The following TRAPPC9 variants were observed in gnomAD, a reference collection of about 807,000 sequenced individuals.
TRAPPC9 encodes the protein trafficking protein particle complex subunit 9, also known as IKK2 binding protein.
TRAPPC9 carries 83 observed loss-of-function variants against 124.0 expected under a neutral mutation model. The observed-to-expected ratio is 0.67, with a 90% CI of 0.56 to 0.80. TRAPPC9 has a LOEUF of 0.80. TRAPPC9 is among the 30% of genes least tolerant of loss of function. The pLI, the probability that TRAPPC9 is intolerant of heterozygous loss-of-function variation, is 0.00. For synonymous variants in TRAPPC9, 638 were observed against 617.5 expected, an observed-to-expected ratio of 1.03 and a Z score of -0.49; for missense variants, 1,302 against 1,508.3, an observed-to-expected ratio of 0.86 and a Z score of 2.27.
At chr8:140,032,972 A>C (rs1188855912) in intron 17 of TRAPPC9, among the ~76,000 whole-genome samples, 4 of 152,194 alleles carry the variant, frequency 2.6e-5, no homozygotes, top group African/African-American at 7.2e-5. Flanking sequence ...CATTTCTCTC[A>C]TTATTAAAAA....
rs140352749 is a variant in TRAPPC9, at chr8:140,176,645, T to C, written c.2556+44814A>G. ...GGCATCGGTCATGTCTTTGAGTGAA[T>C]CCGTGTTTTCATTTTCCTAAGGTAC... On this transcript the variant is annotated intron_variant, in intron 17 of 22. Transcript: ENST00000438773. Among the ~76,000 whole-genome samples, 35 of 152,330 alleles carry C rather than the reference T, an allele frequency of 2.3e-4. No individual in the cohort carries two copies. The East Asian group carries it at 4.4e-3, about 19-fold the overall frequency.
intron 4 of TRAPPC9, among the ~76,000 whole-genome samples, chr8:140,429,874 T>C (rs2070571451): frequency 6.6e-6 from 1 of 151,272 alleles, no homozygotes; most frequent in African/African-American, 2.4e-5. Flanking sequence ...CAGCCAGGTG[T>C]GGTGGCTCAC....
chr8:139,852,413 C>A lies in TRAPPC9; in HGVS notation c.3055+33466G>T, dbSNP rs139288845. 3.3e-5 allele frequency among the ~76,000 whole-genome samples: 5 copies of A among 152,296 alleles called. No homozygotes were observed. The East Asian group carries it at 9.6e-4, about 29-fold the overall frequency. ...TCATGAATTCATGGGTTGATGCCCGCCTTCCCCACTGGACAGGAGGCTCCT... is the reference window on the plus strand; with the variant it reads ...TCATGAATTCATGGGTTGATGCCCGACTTCCCCACTGGACAGGAGGCTCCT... On this transcript the variant is annotated intron_variant, in intron 21 of 22. Transcript: ENST00000438773.
intron 17 of TRAPPC9, among the ~76,000 whole-genome samples, chr8:140,152,840 T>C (rs117977024): frequency 1.3e-3 from 195 of 152,356 alleles, no homozygotes; most frequent in Non-Finnish European, 1.8e-3. Flanking sequence ...TTGAGGTGAT[T>C]TGACTTCCTC....
rs79915922 is a variant in TRAPPC9 at position 140,443,236 on chromosome 8, C to T, written c.585-4039G>A. The stretch of plus-strand genomic sequence containing the variant: ...AGATCACAAAGTCAGGAGATCGAGA[C>T]CATCCTGGCTAACATGATGAAACCC... On this transcript the variant is annotated intron_variant, in intron 2 of 22. Transcript: ENST00000438773. Among the ~76,000 whole-genome samples the T allele has an allele frequency of 1.8e-4, 27 of 148,136 alleles. 1 individual carries two copies. The South Asian group carries it at 4.5e-3, about 25-fold the overall frequency.
chr8:140,238,635 T>C (rs1399907356), intron 16 of TRAPPC9: 3 of 152,166 alleles, frequency 2.0e-5, no homozygotes, highest in Non-Finnish European at 4.4e-5. Flanking sequence ...AAGTAGCGCA[T>C]AATATGACAA....
chr8:139,939,539 C>A (rs766914736), intron 19 of TRAPPC9, among the ~76,000 whole-genome samples: 1 of 152,076 alleles, frequency 6.6e-6, no homozygotes, highest in Non-Finnish European at 1.5e-5. Flanking sequence ...CCCAACCCGT[C>A]CAGGTCCACA....
chr8:140,412,755 T>A (rs2069752812), intron 5 of TRAPPC9, among the ~76,000 whole-genome samples: 1 of 152,112 alleles, frequency 6.6e-6, no homozygotes, highest in African/African-American at 2.4e-5. Flanking sequence ...AAATCAACAG[T>A]TTAAAAAAAT....
chr8:139,928,960 ACGC>A (rs1832960868), intron 19 of TRAPPC9, among the ~76,000 whole-genome samples: 2 of 151,628 alleles, frequency 1.3e-5, no homozygotes, highest in African/African-American at 4.9e-5. Flanking sequence ...TGCAAGCATC[ACGC>A]CCCTCGATGT....
intron 18 of TRAPPC9, among the ~76,000 whole-genome samples, chr8:140,009,153 A>G (rs1838955661): frequency 4.6e-5 from 7 of 152,172 alleles, no homozygotes; most frequent in Admixed American, 4.6e-4. Context: ...CTTATCATGA[A>G]AAAAAAGGAA....
At chr8:140,033,472 T>C (rs1481775860) in intron 17 of TRAPPC9, among the ~76,000 whole-genome samples, 3 of 151,874 alleles carry the variant, frequency 2.0e-5, no homozygotes, top group Non-Finnish European at 4.4e-5. Context: ...AATATCTTTG[T>C]AGTCTTGGGA....
At chr8:140,188,468 ACT>A (rs1427170232) in intron 17 of TRAPPC9, among the ~76,000 whole-genome samples, 3 of 152,214 alleles carry the variant, frequency 2.0e-5, no homozygotes, top group East Asian at 3.9e-4. Context: ...GGAAGTTGGA[ACT>A]CTCTATTCTG....
chr8:139,877,216 A>G (rs1192543512), intron 21 of TRAPPC9, among the ~76,000 whole-genome samples: 1 of 152,264 alleles, frequency 6.6e-6, no homozygotes, highest in Non-Finnish European at 1.5e-5. Flanking sequence ...GGAAAGTGTT[A>G]GCAGTGGAAG....
intron 18 of TRAPPC9, among the ~76,000 whole-genome samples, chr8:140,013,711 A>G (rs1173387412): frequency 6.6e-6 from 1 of 152,224 alleles, no homozygotes; most frequent in African/African-American, 2.4e-5. Context: ...CTGACACACA[A>G]CAGAAGTGCA....
chr8:140,364,058 T>C (rs548138490), intron 8 of TRAPPC9, among the ~76,000 whole-genome samples: 33 of 152,214 alleles, frequency 2.2e-4, no homozygotes, highest in Middle Eastern at 3.4e-3. Flanking sequence ...AGAAATGGCA[T>C]CCAGCTGTGA....
At chr8:140,364,179 T>C (rs2068035883) in intron 8 of TRAPPC9, among the ~76,000 whole-genome samples, 2 of 149,344 alleles carry the variant, frequency 1.3e-5, no homozygotes, top group Non-Finnish European at 2.9e-5. Flanking sequence ...TACAGATAAC[T>C]GGCCCCGGGA....
At chr8:140,457,876 G>A, upstream of TRAPPC9, 1 of 995,328 alleles carries the variant, frequency 1.0e-6, no homozygotes, top group South Asian at 2.2e-5. Context: ...AAGGAGGAGC[G>A]AGGGAGAGAA....
intron 17 of TRAPPC9, among the ~76,000 whole-genome samples, chr8:140,165,574 AGGGGAAGGGAAG>A (rs2061821242): frequency 9.9e-6 from 1 of 100,514 alleles, no homozygotes; most frequent in Admixed American, 1.4e-4. Context: ...AGGGAAGAGG[AGGGGAAGGGAAG>A]GGGGAAGGAG....
intron 21 of TRAPPC9, among the ~76,000 whole-genome samples, chr8:139,739,502 C>T (rs902267074): frequency 6.6e-6 from 1 of 152,250 alleles, no homozygotes; most frequent in Non-Finnish European, 1.5e-5. Flanking sequence ...GCCCGTCTCC[C>T]GGGCTGTGTC....
Sources: gnomAD v4.1 joint callset for allele counts (sites outside exome capture counted in the v4.1 genomes callset) on GRCh38, gnomAD v4.1.1 for gene constraint, MANE v1.5 for transcripts, NCBI Gene and HGNC (gene_info 2026-07-23, HGNC 2026-07-21) for gene names.